Variants in ARHGEF10L observed in about 807,000 individuals in gnomAD.
ARHGEF10L encodes rho guanine nucleotide exchange factor 10-like protein.
Under a neutral mutation model 141.2 loss-of-function variants are expected in ARHGEF10L, and 69 were observed. The observed-to-expected ratio is 0.49, with a 90% confidence interval of 0.40 to 0.60. The LOEUF is 0.60. Ranked by LOEUF, ARHGEF10L falls within the 20% of genes least tolerant of loss-of-function variation. The pLI, the probability that ARHGEF10L is intolerant of heterozygous loss-of-function variation, is 0.00. For synonymous variants in ARHGEF10L, 711 were observed against 718.5 expected, an observed-to-expected ratio of 0.99 and a Z score of 0.17; for missense variants, 1,482 against 1,734.3, an observed-to-expected ratio of 0.85 and a Z score of 2.58.
intron 26 of ARHGEF10L, among the ~76,000 whole-genome samples, chr1:17,670,281 C>G (rs2063240512): frequency 6.6e-6 from 1 of 152,254 alleles, no homozygotes; most frequent in African/African-American, 2.4e-5. Flanking sequence ...CACCCGCGGT[C>G]TGTCTCTGGG....
At chr1:17,566,882 G>T (rs2077777556) in intron 1 of ARHGEF10L, among the ~76,000 whole-genome samples, 1 of 152,116 alleles carries the variant, frequency 6.6e-6, no homozygotes. Flanking sequence ...GGATGGCAGA[G>T]GGATGCCAAG....
intron 1 of ARHGEF10L, among the ~76,000 whole-genome samples, chr1:17,552,001 G>C (rs542742244): frequency 4.6e-5 from 7 of 152,320 alleles, no homozygotes; most frequent in Non-Finnish European, 7.4e-5. Context: ...GAGGAGCTGG[G>C]CTGCTGCTGG....
intron 4 of ARHGEF10L, among the ~76,000 whole-genome samples, chr1:17,595,740 C>T (rs2080031544): frequency 6.6e-6 from 1 of 152,028 alleles, no homozygotes; most frequent in Admixed American, 6.6e-5. Flanking sequence ...AAGGAGGGGG[C>T]GGGGAAGCAG....
intron 15 of ARHGEF10L, among the ~76,000 whole-genome samples, chr1:17,628,596 G>A (rs896082076): frequency 1.3e-5 from 2 of 152,088 alleles, no homozygotes; most frequent in African/African-American, 4.8e-5. Context: ...CACATTGCAG[G>A]ACTGTTCTTT....
At chr1:17,610,495 A>G (rs2059491393) in intron 7 of ARHGEF10L, among the ~76,000 whole-genome samples, 1 of 152,212 alleles carries the variant, frequency 6.6e-6, no homozygotes, top group South Asian at 2.1e-4. Flanking sequence ...CTCGCTGATC[A>G]GCAGGCTCCT....
intron 26 of ARHGEF10L, among the ~76,000 whole-genome samples, chr1:17,665,767 T>C (rs1373143784): frequency 6.6e-6 from 1 of 152,286 alleles, no homozygotes; most frequent in Non-Finnish European, 1.5e-5. Flanking sequence ...CGCAAGTATA[T>C]GTATACACAC....
At chr1:17,595,414 G>A (rs937221386) in intron 4 of ARHGEF10L, among the ~76,000 whole-genome samples, 4 of 152,070 alleles carry the variant, frequency 2.6e-5, no homozygotes, top group Admixed American at 6.5e-5. Context: ...CACAGAGCAG[G>A]AGGCCAGAGG....
At chr1:17,622,861 A>G (rs984111381) in intron 11 of ARHGEF10L, 135 bp from the exon 12 acceptor site, 5 of 863,766 alleles carry the variant, frequency 5.8e-6, no homozygotes, top group African/African-American at 3.4e-5. Flanking sequence ...GGAAGGACGC[A>G]TGAGGAGTGA....
chr1:17,593,456 C>T (rs968766072), intron 4 of ARHGEF10L, among the ~76,000 whole-genome samples: 2 of 152,120 alleles, frequency 1.3e-5, no homozygotes, highest in Non-Finnish European at 2.9e-5. Flanking sequence ...CCTGGGTTAT[C>T]TGTGGGCCCA....
At chr1:17,586,098 G>A (rs375959502) in intron 2 of ARHGEF10L, among the ~76,000 whole-genome samples, 12 of 152,282 alleles carry the variant, frequency 7.9e-5, no homozygotes, top group African/African-American at 2.6e-4. Flanking sequence ...GCTGCTAATC[G>A]TCCTACAGTG....
the ARHGEF10L span, among the ~76,000 whole-genome samples, chr1:17,530,289 A>G: frequency 2.0e-5 from 3 of 152,196 alleles, no homozygotes; most frequent in Admixed American, 2.0e-4. Flanking sequence ...TGGTTCTGGA[A>G]CCAGAGAGAA....
chr1:17,588,704 G>T (rs1031120556), intron 4 of ARHGEF10L, among the ~76,000 whole-genome samples: 12 of 151,962 alleles, frequency 7.9e-5, no homozygotes, highest in African/African-American at 2.9e-4. Flanking sequence ...CAGGAGGCAG[G>T]CCTGGCTCCA....
chr1:17,611,391 G>A (rs2059540738), intron 7 of ARHGEF10L, among the ~76,000 whole-genome samples: 1 of 152,174 alleles, frequency 6.6e-6, no homozygotes, highest in Non-Finnish European at 1.5e-5. Flanking sequence ...ACAAAGCAGT[G>A]TCATTTAATT....
intron 15 of ARHGEF10L, among the ~76,000 whole-genome samples, chr1:17,628,719 G>A (rs1487910033): frequency 2.0e-5 from 3 of 152,236 alleles, no homozygotes; most frequent in Admixed American, 2.0e-4. Flanking sequence ...CCTATGGCTG[G>A]CTGTTCCCAG....
intron 26 of ARHGEF10L, among the ~76,000 whole-genome samples, chr1:17,675,082 C>G (rs1289718682): frequency 6.6e-6 from 1 of 152,230 alleles, no homozygotes; most frequent in Non-Finnish European, 1.5e-5. Context: ...GGGGTCTGAT[C>G]AAGCCTGGAA....
Position 17,619,345 on chromosome 1 carries a change from C to A in ARHGEF10L, c.842C>A (p.Ser281Ter). The A allele has an allele frequency of 6.2e-7, 1 of 1,613,116 alleles. No individual in the cohort carries two copies. The highest frequency in any genetic ancestry group is 8.5e-7 in the Non-Finnish European group (1 of 1,179,818). Residue 281 changes from serine to a stop codon, truncating the protein, a stop_gained, in exon 10 of 29, where the codon TCG becomes TAG. Transcript: ENST00000361221. LOFTEE classifies it high-confidence loss of function. The surrounding 1 kb of genome is among the most constrained non-coding windows in gnomAD (Gnocchi z 5.0). ...FLHRKDVLGD[S>*]EEEDMGLLEV... The stretch of plus-strand genomic sequence containing the variant: ...GGCCCATCTGACTTTCCAGGTGACT[C>A]GGAGGAGGAGGACATGGGGCTCCTG...
At chr1:17,580,723 G>A in intron 2 of ARHGEF10L, 91 bp downstream of exon 2, 1 of 1,515,078 alleles carries the variant, frequency 6.6e-7, no homozygotes, top group Non-Finnish European at 9.1e-7. Context: ...GAGCAGCATG[G>A]CGCCGGGTGG....
At chr1:17,541,636 G>C (rs527665241) in intron 1 of ARHGEF10L, among the ~76,000 whole-genome samples, 2 of 152,226 alleles carry the variant, frequency 1.3e-5, no homozygotes, top group South Asian at 4.1e-4. Context: ...TTCGGGATCA[G>C]CTTGGCCAAC....
chr1:17,560,893 A>C (rs2077519104), intron 1 of ARHGEF10L, among the ~76,000 whole-genome samples: 1 of 152,176 alleles, frequency 6.6e-6, no homozygotes, highest in Non-Finnish European at 1.5e-5. Context: ...ACCTGCCAGG[A>C]GGCACTGTGG....
Sources: allele counts gnomAD v4.1 joint callset (sites outside exome capture counted in the v4.1 genomes callset), GRCh38; gene constraint gnomAD v4.1.1; non-coding constraint Gnocchi (gnomAD v3.1); transcripts MANE v1.5; gene names NCBI Gene and HGNC (gene_info 2026-07-23, HGNC 2026-07-21).